Variants in ANKS1B observed in about 807,000 individuals in gnomAD.
The protein encoded by ANKS1B is ankyrin repeat and sterile alpha motif domain-containing protein 1B.
Under a neutral mutation model 148.3 loss-of-function variants are expected in ANKS1B, and 36 were observed. That is an observed-to-expected ratio of 0.24 (90% CI 0.19 to 0.32). The LOEUF (loss-of-function observed/expected upper bound fraction) is 0.32, where lower values mean the gene tolerates loss of function less well. ANKS1B is among the 10% of genes least tolerant of loss of function. The pLI, the probability that ANKS1B is intolerant of heterozygous loss-of-function variation, is 1.00. For synonymous variants in ANKS1B, 542 were observed against 560.8 expected (o/e 0.97, Z 0.47); for missense variants, 1,157 against 1,542.6 (o/e 0.75, Z 4.19).
intron 8 of ANKS1B, among the ~76,000 whole-genome samples, chr12:99,696,889 AC>A (rs1172581842): frequency 6.6e-6 from 1 of 152,190 alleles, no homozygotes; most frequent in African/African-American, 2.4e-5. Context: ...ACATAAGAAA[AC>A]AAATAACCCA....
intron 24 of ANKS1B, among the ~76,000 whole-genome samples, chr12:98,776,744 G>C (rs2098680826): frequency 6.6e-6 from 1 of 152,238 alleles, no homozygotes; most frequent in Non-Finnish European, 1.5e-5. Flanking sequence ...CCTGAGTGAG[G>C]AGACTGCAGT....
intron 11 of ANKS1B, among the ~76,000 whole-genome samples, chr12:99,442,695 G>A (rs1382157552): frequency 6.6e-6 from 1 of 151,990 alleles, no homozygotes; most frequent in East Asian, 1.9e-4. Flanking sequence ...TTTTATCAAT[G>A]AGGATGAAGA....
At chr12:98,870,901 AGAG>A (rs2099662906) in intron 17 of ANKS1B, among the ~76,000 whole-genome samples, 1 of 152,218 alleles carries the variant, frequency 6.6e-6, no homozygotes, top group African/African-American at 2.4e-5. Context: ...TGATTTTGTA[AGAG>A]GAGACATATT....
chr12:99,791,998 C>A (rs535708731), intron 4 of ANKS1B, among the ~76,000 whole-genome samples: 212 of 151,544 alleles, frequency 1.4e-3, no homozygotes, highest in African/African-American at 4.9e-3. Context: ...AATTGACAAA[C>A]CTTTAGCCAG....
chr12:99,007,618 A>G (rs1476428112), intron 17 of ANKS1B, among the ~76,000 whole-genome samples: 1 of 152,090 alleles, frequency 6.6e-6, no homozygotes, highest in Non-Finnish European at 1.5e-5. Flanking sequence ...AAGATTTTCC[A>G]TTGCTCCATT....
intron 17 of ANKS1B, among the ~76,000 whole-genome samples, chr12:98,979,121 A>G (rs1472583359): frequency 1.3e-5 from 2 of 151,424 alleles, no homozygotes; most frequent in Non-Finnish European, 2.9e-5. Flanking sequence ...TAGCCTGGGC[A>G]ACAGAGCGAG....
intron 15 of ANKS1B, among the ~76,000 whole-genome samples, chr12:99,145,803 T>A (rs2072859917): frequency 6.6e-6 from 1 of 152,110 alleles, no homozygotes; most frequent in South Asian, 2.1e-4. Flanking sequence ...CAGGGACTTT[T>A]AGGTTACAGA....
intron 14 of ANKS1B, among the ~76,000 whole-genome samples, chr12:99,232,903 A>T (rs2087119603): frequency 1.3e-5 from 2 of 152,070 alleles, no homozygotes; most frequent in Non-Finnish European, 2.9e-5. Context: ...GCTATGTTTC[A>T]GGCTATAAAG....
chr12:99,633,177 G>A (rs1283742568), intron 9 of ANKS1B, among the ~76,000 whole-genome samples: 1 of 151,806 alleles, frequency 6.6e-6, no homozygotes, highest in East Asian at 1.9e-4. Context: ...ATTTGGGTTG[G>A]TTCCAAGTCT....
intron 11 of ANKS1B, among the ~76,000 whole-genome samples, chr12:99,408,770 T>G (rs2152655050): frequency 6.8e-6 from 1 of 146,104 alleles, no homozygotes; most frequent in East Asian, 1.9e-4. Flanking sequence ...ACTGATCATA[T>G]GAGAAATGCA....
intron 9 of ANKS1B, among the ~76,000 whole-genome samples, chr12:99,547,834 T>G (rs1412516380): frequency 6.6e-6 from 1 of 152,216 alleles, no homozygotes; most frequent in Admixed American, 6.5e-5. Flanking sequence ...TGAATTATAT[T>G]CCAAAGGTAG....
intron 5 of ANKS1B, among the ~76,000 whole-genome samples, chr12:99,781,193 T>G (rs2064282748): frequency 6.6e-6 from 1 of 152,182 alleles, no homozygotes; most frequent in South Asian, 2.1e-4. Context: ...GGTGGTTTCC[T>G]CAAATCATTT....
intron 17 of ANKS1B, among the ~76,000 whole-genome samples, chr12:98,926,672 T>C (rs2099808704): frequency 6.6e-6 from 1 of 152,000 alleles, no homozygotes; most frequent in Non-Finnish European, 1.5e-5. Flanking sequence ...TTTTGGCAAA[T>C]AGAGAATGTT....
chr12:99,556,713 T>C lies in ANKS1B; in HGVS notation c.1273-52072A>G, dbSNP rs528676442. Among the ~76,000 whole-genome samples, 3 of 152,310 alleles carry C rather than the reference T, an allele frequency of 2.0e-5. No homozygotes were observed. In the East Asian group the frequency reaches 5.8e-4, roughly 29 times the overall value. On this transcript the variant is annotated intron_variant, in intron 9 of 26. Transcript: ENST00000683438. ...ATTTCACTGTTTACCCAAATGTCAT[T>C]GAGGAGCAGGTTGTTTAATTTCCAT...
At chr12:99,825,441 G>GAAAAA in intron 1 of ANKS1B, 52 bp from the exon 2 acceptor site, 4 of 1,451,474 alleles carry the variant, frequency 2.8e-6, no homozygotes, top group Admixed American at 4.0e-5. Flanking sequence ...ATCTTGCCTT[G>GAAAAA]AAAAACAAAA....
intron 25 of ANKS1B, among the ~76,000 whole-genome samples, chr12:98,764,803 G>A (rs532266204): frequency 5.9e-5 from 9 of 152,290 alleles, no homozygotes; most frequent in South Asian, 4.2e-4. Context: ...CAACCTGCGC[G>A]TCCCTCCTCT....
intron 8 of ANKS1B, among the ~76,000 whole-genome samples, chr12:99,687,758 CATAAT>C (rs1380020253): frequency 2.0e-5 from 3 of 152,274 alleles, no homozygotes; most frequent in East Asian, 1.9e-4. Context: ...TTTATATATA[CATAAT>C]ATAACAGCTA....
intron 9 of ANKS1B, among the ~76,000 whole-genome samples, chr12:99,539,054 T>G (rs758972224): frequency 6.6e-6 from 1 of 152,186 alleles, no homozygotes; most frequent in Non-Finnish European, 1.5e-5. Context: ...TTTGTGTACG[T>G]TGAATCATCC....
chr12:98,740,543 C>T (rs147102647), downstream of ANKS1B, among the ~76,000 whole-genome samples: 1 of 152,312 alleles, frequency 6.6e-6, no homozygotes, highest in Admixed American at 6.5e-5. Context: ...AGGATGATCA[C>T]CAATCCCTCT....
Sources: gnomAD v4.1 joint callset for allele counts (sites outside exome capture counted in the v4.1 genomes callset) on GRCh38, gnomAD v4.1.1 for gene constraint, MANE v1.5 for transcripts, NCBI Gene and HGNC (gene_info 2026-07-23, HGNC 2026-07-21) for gene names.